Variants in LEMD1 observed in about 807,000 individuals in gnomAD.
The protein encoded by LEMD1 is LEM domain containing 1.
Under a neutral mutation model 17.4 loss-of-function variants are expected in LEMD1, and 18 were observed. The ratio of observed to expected loss-of-function variants is 1.04; its 90% CI spans 0.72 to 1.54. LEMD1 has a LOEUF of 1.54. Ranked by LOEUF, LEMD1 falls within the 40% of genes most tolerant of loss-of-function variation. The probability of loss-of-function intolerance (pLI) is 0.00; values close to 1 mark genes in which losing one functional copy is unlikely to be tolerated. For synonymous variants in LEMD1, 88 were observed against 77.8 expected, an observed-to-expected ratio of 1.13 and a Z score of -0.69; for missense variants, 195 against 210.4, an observed-to-expected ratio of 0.93 and a Z score of 0.45.
chr1:205,426,206 T>A (rs1009224838), upstream of LEMD1, among the ~76,000 whole-genome samples: 1 of 152,258 alleles, frequency 6.6e-6, no homozygotes, highest in African/African-American at 2.4e-5. Context: ...TGACCTTTGA[T>A]GCTGGTAAAC....
intron 4 of LEMD1, among the ~76,000 whole-genome samples, chr1:205,409,299 C>T (rs917539736): frequency 6.6e-6 from 1 of 152,186 alleles, no homozygotes; most frequent in Non-Finnish European, 1.5e-5. Flanking sequence ...ACTAAACATT[C>T]ATTTTCCATT....
intron 4 of LEMD1, among the ~76,000 whole-genome samples, chr1:205,408,328 TAC>T (rs34904075): frequency 0.015 from 2,279 of 148,106 alleles, 51 homozygotes; most frequent in African/African-American, 0.049. Flanking sequence ...AATGGTAGGG[TAC>T]ACACACACAC....
rs1475819955 is a variant in LEMD1 at position 205,420,498 on chromosome 1, C to T, written c.39G>A (p.Gln13=). Residue 13 remains glutamine (Q), a synonymous_variant, in exon 2 of 6, where the codon CAG becomes CAA. Transcript: ENST00000367153. The stretch of plus-strand genomic sequence containing the variant: ...AAAATCCAAGCTTCTCAAGTTGGTT[C>T]TGCAATTTACAGTCACTCAGACACT... The part of the protein sequence containing the change: ...DVKCLSDCKL[Q]NQLEKLGFSP... 1 of 1,614,118 alleles carries T rather than the reference C, an allele frequency of 6.2e-7. No individual in the cohort carries two copies. Among genetic ancestry groups the T allele is most frequent in the Admixed American group, 1.7e-5 (1 of 60,016 alleles).
chr1:205,434,506 T>G (rs1046219284), intron 1 of LEMD1, among the ~76,000 whole-genome samples: 1 of 152,034 alleles, frequency 6.6e-6, no homozygotes, highest in South Asian at 2.1e-4. Context: ...AAAAGCACCT[T>G]TAAGACTATG....
intron 1 of LEMD1, among the ~76,000 whole-genome samples, chr1:205,434,014 T>G (rs1666166206): frequency 6.6e-6 from 1 of 152,204 alleles, no homozygotes; most frequent in Non-Finnish European, 1.5e-5. Context: ...ACATAATAAT[T>G]CTTTTTCAAA....
At chr1:205,402,929 A>G (rs6657660) in intron 4 of LEMD1, among the ~76,000 whole-genome samples, 46,255 of 151,302 alleles carry the variant, frequency 0.31, 7,346 homozygotes, top group African/African-American at 0.38. Context: ...GAATTTTGTC[A>G]AAGGCCTTTT....
intron 5 of LEMD1, among the ~76,000 whole-genome samples, chr1:205,382,560 G>A (rs1663766925): frequency 6.6e-6 from 1 of 152,170 alleles, no homozygotes; most frequent in Non-Finnish European, 1.5e-5. Context: ...ACTGTGCCCA[G>A]TCTCTAATTT....
intron 3 of LEMD1, among the ~76,000 whole-genome samples, chr1:205,418,657 A>G (rs1052670575): frequency 3.3e-5 from 5 of 152,176 alleles, no homozygotes; most frequent in African/African-American, 9.7e-5. Flanking sequence ...CTGGGATTAC[A>G]GGTGCGTGCC....
intron 4 of LEMD1, among the ~76,000 whole-genome samples, chr1:205,394,342 GA>G (rs934869456): frequency 6.6e-6 from 1 of 151,038 alleles, no homozygotes; most frequent in Non-Finnish European, 1.5e-5. Flanking sequence ...GATGCCACTG[GA>G]TTGTGAACTG....
intron 1 of LEMD1, among the ~76,000 whole-genome samples, chr1:205,449,364 C>T (rs986883134): frequency 6.6e-6 from 1 of 152,124 alleles, no homozygotes; most frequent in South Asian, 2.1e-4. Flanking sequence ...CTCAGGAAAG[C>T]CCCAGGGGCC....
chr1:205,401,699 T>C (rs1305362701), intron 4 of LEMD1, among the ~76,000 whole-genome samples: 1 of 152,194 alleles, frequency 6.6e-6, no homozygotes, highest in African/African-American at 2.4e-5. Context: ...AGAAGCTCTT[T>C]AGTTTAATTA....
chr1:205,396,865 G>C (rs185097343), intron 4 of LEMD1, among the ~76,000 whole-genome samples: 95 of 152,304 alleles, frequency 6.2e-4, no homozygotes, highest in Non-Finnish European at 7.4e-5. Context: ...AGCTGATTCA[G>C]CAATGATTTA....
intron 1 of LEMD1, chr1:205,435,667 A>G (rs1575005588): frequency 2.0e-5 from 3 of 152,214 alleles, no homozygotes; most frequent in African/African-American, 7.2e-5. Flanking sequence ...ATTCTTCAGA[A>G]TGAAGTTTAA....
At chr1:205,423,902 C>T (rs893013153), upstream of LEMD1, among the ~76,000 whole-genome samples, 6 of 152,204 alleles carry the variant, frequency 3.9e-5, no homozygotes, top group African/African-American at 1.4e-4. Flanking sequence ...AGAGCTTCCT[C>T]CTTTCATTAA....
intron 2 of LEMD1, 26 bp from the exon 3 acceptor site, chr1:205,419,378 T>G: frequency 1.9e-6 from 3 of 1,613,820 alleles, no homozygotes. Context: ...GAGAACAAAT[T>G]AAATTGTTCT....
chr1:205,445,260 G>C (rs1666368367), intron 1 of LEMD1, among the ~76,000 whole-genome samples: 2 of 152,260 alleles, frequency 1.3e-5, no homozygotes, highest in South Asian at 4.2e-4. Context: ...GCCTCTGCAG[G>C]TTTCTGGGAA....
Position 205,419,324 on chromosome 1 carries a change from C to A in LEMD1, c.111G>T (p.Lys37Asn). 1 of 1,614,200 alleles carries A rather than the reference C, an allele frequency of 6.2e-7. No individual in the cohort carries two copies. The highest frequency in any genetic ancestry group is 8.5e-7 in the Non-Finnish European group (1 of 1,180,030). Reference sequence around the variant, plus strand: ...GAGGTGAGACCAACAACTGTACTAACTTTTTTTCATACAACTTTCTGGTGG... The same window carrying A: ...GAGGTGAGACCAACAACTGTACTAAATTTTTTTCATACAACTTTCTGGTGG... Reference protein sequence around the residue: ...LPSTRKLYEKKLVQLLVSPPC... With the variant: ...LPSTRKLYEKNLVQLLVSPPC... Residue 37 changes from lysine to asparagine, a missense_variant, in exon 3 of 6, where the codon AAG becomes AAT. Lys to Asn is a moderately conservative substitution (Grantham distance 94, BLOSUM62 0). Transcript: ENST00000367153.
intron 2 of LEMD1, 69 bp downstream of exon 2, chr1:205,420,386 C>A: frequency 8.5e-7 from 1 of 1,175,864 alleles, no homozygotes; most frequent in Non-Finnish European, 1.3e-6. Flanking sequence ...TGCATATGTT[C>A]CTTCTATTGT....
In LEMD1 at chr1:205,441,387, A is replaced by C. The variant is rs570385260; in HGVS notation, c.-39+8481T>G. ...CCGCTCTGCCCCACCTCATCACCATATACCTGTGGTTGGGGAACAGGAAGC... is the reference window on the plus strand; with the variant it reads ...CCGCTCTGCCCCACCTCATCACCATCTACCTGTGGTTGGGGAACAGGAAGC... On this transcript the variant is annotated intron_variant, in intron 1 of 3. Transcript: ENST00000367154. The surrounding 1 kb of genome is among the most constrained non-coding windows in gnomAD (Gnocchi z 4.3). 7.1e-4 allele frequency among the ~76,000 whole-genome samples: 108 copies of C among 152,166 alleles called. 1 individual carries two copies. In the South Asian group the frequency reaches 0.022, roughly 31 times the overall value.
Sources: gnomAD v4.1 joint callset for allele counts (sites outside exome capture counted in the v4.1 genomes callset) on GRCh38, gnomAD v4.1.1 for gene constraint, Gnocchi (gnomAD v3.1) non-coding constraint, MANE v1.5 for transcripts, NCBI Gene and HGNC (gene_info 2026-07-23, HGNC 2026-07-21) for gene names.